Variants in RELL1 observed in about 807,000 individuals in gnomAD.
The protein encoded by RELL1 is RELT-like protein 1.
In RELL1, 10 loss-of-function variants were observed where a neutral mutation model predicts 23.0. That is an observed-to-expected ratio of 0.43 (90% CI 0.27 to 0.74). The LOEUF (loss-of-function observed/expected upper bound fraction) is 0.74. RELL1 is among the 30% of genes least tolerant of loss of function. The pLI is 0.19. For synonymous variants in RELL1, 146 were observed against 146.8 expected, an observed-to-expected ratio of 0.99 and a Z score of 0.04; for missense variants, 315 against 364.4, an observed-to-expected ratio of 0.86 and a Z score of 1.10.
At position 37,649,213 on chromosome 4, in the gene RELL1, T is replaced by C. The variant is rs1577588782; in HGVS notation, c.313+63A>G. 3.1e-6 allele frequency: 4 copies of C among 1,284,298 alleles called. No homozygotes were observed. In the East Asian group the frequency reaches 6.9e-5, roughly 22 times the overall value. The allele number at this position is 1,284,298 out of a possible 1,614,324, so 79.6% of individuals were successfully genotyped here. On this transcript the variant is annotated intron_variant, in intron 2 of 6. Coordinates refer to ENST00000454158, the MANE Select transcript of RELL1 (RefSeq NM_001085400.2). ...GCCTCAGAGAGATGGAAAGCATATATCACTGGTTTCATATTTAAAAACTGT... is the reference window on the plus strand; with the variant it reads ...GCCTCAGAGAGATGGAAAGCATATACCACTGGTTTCATATTTAAAAACTGT...
intron 6 of RELL1, among the ~76,000 whole-genome samples, chr4:37,605,308 AT>A (rs1284328762): frequency 6.6e-6 from 1 of 152,168 alleles, no homozygotes; most frequent in Non-Finnish European, 1.5e-5. Flanking sequence ...CCCAGCATCA[AT>A]GAGGACACCT....
intron 5 of RELL1, among the ~76,000 whole-genome samples, chr4:37,634,367 A>T (rs954716600): frequency 5.3e-5 from 8 of 152,198 alleles, no homozygotes; most frequent in Non-Finnish European, 1.2e-4. Context: ...AGTTCCCTGA[A>T]AGTTAGCTTG....
At chr4:37,657,245 G>A (rs1164350450) in intron 1 of RELL1, among the ~76,000 whole-genome samples, 1 of 152,190 alleles carries the variant, frequency 6.6e-6, no homozygotes, top group Non-Finnish European at 1.5e-5. Flanking sequence ...GAAGCTCTTT[G>A]GTGGCCTTGC....
chr4:37,681,591 C>T (rs889320082), intron 1 of RELL1, among the ~76,000 whole-genome samples: 15 of 141,442 alleles, frequency 1.1e-4, no homozygotes, highest in Admixed American at 3.8e-4. Flanking sequence ...TGCAGTGGCA[C>T]GATCTCAGCT....
At chr4:37,674,774 C>T (rs1270507185) in intron 1 of RELL1, among the ~76,000 whole-genome samples, 1 of 152,190 alleles carries the variant, frequency 6.6e-6, no homozygotes, top group African/African-American at 2.4e-5. Context: ...ACTTCCACCT[C>T]TTACAGGAAT....
intron 1 of RELL1, 29 bp downstream of exon 1, chr4:37,686,171 C>A (rs1408282125): frequency 1.3e-6 from 2 of 1,548,968 alleles, no homozygotes; most frequent in South Asian, 1.2e-5. Flanking sequence ...GCTCAGCACC[C>A]GGCGCCCCGG....
At chr4:37,629,905 C>T (rs1329390111) in intron 6 of RELL1, among the ~76,000 whole-genome samples, 1 of 152,166 alleles carries the variant, frequency 6.6e-6, no homozygotes, top group Non-Finnish European at 1.5e-5. Flanking sequence ...TTCCCACGTG[C>T]CAGGCCCTGC....
At chr4:37,644,581 C>T (rs1006772931) in intron 3 of RELL1, among the ~76,000 whole-genome samples, 1 of 151,600 alleles carries the variant, frequency 6.6e-6, no homozygotes, top group Non-Finnish European at 1.5e-5. Flanking sequence ...TCTCCTGCCT[C>T]AGCCTCCCAA....
At chr4:37,657,869 G>A (rs1418715770) in intron 1 of RELL1, among the ~76,000 whole-genome samples, 1 of 152,106 alleles carries the variant, frequency 6.6e-6, no homozygotes, top group Non-Finnish European at 1.5e-5. Context: ...CCATGATTGT[G>A]CCACTCTACT....
At chr4:37,622,345 C>T (rs1719796974) in intron 6 of RELL1, among the ~76,000 whole-genome samples, 1 of 152,222 alleles carries the variant, frequency 6.6e-6, no homozygotes, top group Non-Finnish European at 1.5e-5. Context: ...ACTGATCACA[C>T]TGGTGTCCTC....
chr4:37,606,190 A>G (rs113967993), downstream of RELL1, among the ~76,000 whole-genome samples: 1 of 113,392 alleles, frequency 8.8e-6, no homozygotes, highest in African/African-American at 3.0e-5. The surrounding 1 kb of genome is among the most constrained non-coding windows in gnomAD (Gnocchi z 4.1). Flanking sequence ...GAAGAAAGAA[A>G]GAGAAAGAAG....
At chr4:37,606,064 G>C (rs1250153925), downstream of RELL1, among the ~76,000 whole-genome samples, 3 of 137,820 alleles carry the variant, frequency 2.2e-5, no homozygotes, top group Admixed American at 2.3e-4. This position sits in a 1 kb window ranked among gnomAD's most constrained non-coding sequence, Gnocchi z 4.1. Context: ...AGGGAAGGAA[G>C]GAAAAAGATG....
intron 6 of RELL1, chr4:37,622,832 C>G: frequency 2.4e-6 from 1 of 408,224 alleles, no homozygotes; most frequent in South Asian, 1.7e-5. Flanking sequence ...GAGACAGAGT[C>G]TTGCTGTTGT....
chr4:37,620,305 G>GT (rs1719723376), intron 6 of RELL1, among the ~76,000 whole-genome samples: 1 of 152,130 alleles, frequency 6.6e-6, no homozygotes, highest in Admixed American at 6.5e-5. Context: ...TCTGAAGGTT[G>GT]TTCTTTACTG....
Position 37,644,422 on chromosome 4 carries a change from G to A in RELL1, c.385+2946C>T, listed in dbSNP as rs534663032. On this transcript the variant is annotated intron_variant, in intron 3 of 6. Coordinates refer to ENST00000454158, the MANE Select transcript of RELL1 (RefSeq NM_001085400.2). ...GTGGTAACAGGGCCTACGTCATCTG[G>A]TACTTTTATTTTTATTTTTATTTAT... is the stretch of plus-strand genomic sequence containing the variant. Among the ~76,000 whole-genome samples the A allele has an allele frequency of 5.0e-5, 7 of 141,308 alleles. No individual in the cohort carries two copies. In the South Asian group the frequency reaches 1.6e-3, roughly 32 times the overall value. The allele number at this position is 141,308 out of a possible 152,430, so 92.7% of individuals were successfully genotyped here.
intron 1 of RELL1, among the ~76,000 whole-genome samples, chr4:37,657,989 G>A (rs536992557): frequency 6.6e-6 from 1 of 152,216 alleles, no homozygotes; most frequent in African/African-American, 2.4e-5. Context: ...TGTACCTGCA[G>A]TCCCAACTAC....
At chr4:37,684,294 G>A (rs983312509) in intron 1 of RELL1, among the ~76,000 whole-genome samples, 5 of 151,134 alleles carry the variant, frequency 3.3e-5, no homozygotes, top group African/African-American at 1.2e-4. Context: ...GCAAATTTGT[G>A]CTCTGTATCC....
chr4:37,648,583 T>C (rs1479148492), intron 2 of RELL1, among the ~76,000 whole-genome samples: 2 of 152,202 alleles, frequency 1.3e-5, no homozygotes, highest in African/African-American at 4.8e-5. Context: ...GAAAACAGGA[T>C]TTCGTCTCCC....
intron 6 of RELL1, among the ~76,000 whole-genome samples, chr4:37,604,920 G>GACACACAGACAC (rs1719145637): frequency 9.2e-6 from 1 of 108,184 alleles, no homozygotes; most frequent in African/African-American, 5.0e-5. Flanking sequence ...CACACACACA[G>GACACACAGACAC]ACACACACAC....
Sources: gnomAD v4.1 joint callset for allele counts (sites outside exome capture counted in the v4.1 genomes callset) on GRCh38, gnomAD v4.1.1 for gene constraint, Gnocchi (gnomAD v3.1) non-coding constraint, MANE v1.5 for transcripts, NCBI Gene and HGNC (gene_info 2026-07-23, HGNC 2026-07-21) for gene names.